KYNU: variants seen among roughly 807,000 people sequenced by gnomAD.
KYNU encodes the protein kynureninase.
Under a neutral mutation model 59.2 loss-of-function variants are expected in KYNU, and 54 were observed. The ratio of observed to expected loss-of-function variants is 0.91; its 90% CI spans 0.73 to 1.14. The LOEUF (loss-of-function observed/expected upper bound fraction) is 1.14, where lower values mean the gene tolerates loss of function less well. Among genes scored for constraint, KYNU ranks in the 50% most tolerant of loss-of-function variants. The pLI is 0.00. For missense variants in KYNU, 567 were observed against 554.4 expected (o/e 1.02, Z -0.23); for synonymous variants, 177 against 192.0 (o/e 0.92, Z 0.65).
At chr2:143,030,116 G>T (rs6758612) in intron 11 of KYNU, among the ~76,000 whole-genome samples, 5,625 of 152,260 alleles carry the variant, frequency 0.037, 298 homozygotes, top group African/African-American at 0.12. Flanking sequence ...CTTATCTAAT[G>T]TGAATAATAA....
chr2:143,038,445 C>T, intron 12 of KYNU, among the ~76,000 whole-genome samples: 1 of 152,134 alleles, frequency 6.6e-6, no homozygotes, highest in Non-Finnish European at 1.5e-5. Flanking sequence ...AGTCTACCTA[C>T]ATTTGCTTTG....
At chr2:143,030,036 C>T (rs1299407216) in intron 11 of KYNU, among the ~76,000 whole-genome samples, 1 of 152,174 alleles carries the variant, frequency 6.6e-6, no homozygotes, top group Non-Finnish European at 1.5e-5. Flanking sequence ...GTTAATCACA[C>T]TTTGCTGCTT....
chr2:142,976,043 C>T lies in KYNU; in HGVS notation c.730-9041C>T, dbSNP rs188785293. Among the ~76,000 whole-genome samples, 69 of 152,182 alleles carry T rather than the reference C, an allele frequency of 4.5e-4. No homozygotes were observed. In the East Asian group the frequency reaches 6.4e-3, roughly 14 times the overall value. Reference sequence around the variant, plus strand: ...TGGTAAAGGAATTTACCACGACAGTCATAGGTGAAGAAAGGCAGATTTATT... The same window carrying T: ...TGGTAAAGGAATTTACCACGACAGTTATAGGTGAAGAAAGGCAGATTTATT... On this transcript the variant is annotated intron_variant, in intron 8 of 13. Transcript: ENST00000264170.
At chr2:143,038,573 T>C (rs1251162189) in intron 12 of KYNU, among the ~76,000 whole-genome samples, 1 of 152,140 alleles carries the variant, frequency 6.6e-6, no homozygotes, top group African/African-American at 2.4e-5. Flanking sequence ...AGCCAAGATA[T>C]CAGCCTCTAC....
At chr2:142,983,605 T>C (rs1179653829) in intron 8 of KYNU, among the ~76,000 whole-genome samples, 1 of 152,076 alleles carries the variant, frequency 6.6e-6, no homozygotes, top group East Asian at 1.9e-4. Flanking sequence ...TAGGATACAC[T>C]TAAGCAGCAG....
At chr2:142,966,658 ATTACTT>A (rs1684550086) in intron 8 of KYNU, among the ~76,000 whole-genome samples, 1 of 152,140 alleles carries the variant, frequency 6.6e-6, no homozygotes, top group African/African-American at 2.4e-5. Context: ...AGGTCTCTAC[ATTACTT>A]TTCAGCATAG....
chr2:142,976,187 A>G (rs776445254), intron 8 of KYNU, among the ~76,000 whole-genome samples: 3 of 152,196 alleles, frequency 2.0e-5, no homozygotes, highest in African/African-American at 4.8e-5. Context: ...AGGGGGCCAC[A>G]TGCTGACCGA....
At chr2:142,878,510 C>T (rs1344785810) in intron 1 of KYNU, among the ~76,000 whole-genome samples, 1 of 152,090 alleles carries the variant, frequency 6.6e-6, no homozygotes, top group African/African-American at 2.4e-5. Flanking sequence ...GCTTTCTCAA[C>T]ATATTTTTAA....
intron 7 of KYNU, among the ~76,000 whole-genome samples, chr2:142,958,696 G>A (rs998134551): frequency 1.3e-5 from 2 of 152,164 alleles, no homozygotes; most frequent in African/African-American, 2.4e-5. Context: ...GACCAATATT[G>A]TGGAGTTTCA....
rs906782286 is a variant in KYNU at position 143,044,887 on chromosome 2, G to A, written c.*2715G>A. On this transcript the variant is annotated 3_prime_UTR_variant, in exon 14 of 14. Transcript: ENST00000264170. The stretch of plus-strand genomic sequence containing the variant: ...TGTTGCAATTGCTTTTGGTGTTTTA[G>A]TCTTAAATTCTTTGCCCATGCCTAT... 6.7e-6 allele frequency: 1 copy of A among 149,960 alleles called. No homozygotes were observed. Among genetic ancestry groups the A allele is most frequent in the African/African-American group, 2.4e-5 (1 of 40,960 alleles). 9.3% of individuals were successfully genotyped at this position (149,960 alleles called of 1,614,324 possible).
intron 2 of KYNU, among the ~76,000 whole-genome samples, chr2:142,903,064 C>A (rs1035473125): frequency 2.4e-4 from 37 of 152,142 alleles, no homozygotes; most frequent in African/African-American, 7.5e-4. Flanking sequence ...CACTGATAAT[C>A]CTGACATCTT....
chr2:142,985,505 C>T (rs1191784693), intron 9 of KYNU, among the ~76,000 whole-genome samples: 3 of 151,696 alleles, frequency 2.0e-5, no homozygotes, highest in Non-Finnish European at 4.4e-5. Flanking sequence ...TGTGAAATTT[C>T]TGCATATATA....
At chr2:142,902,236 A>G (rs892846958) in intron 2 of KYNU, among the ~76,000 whole-genome samples, 2 of 152,234 alleles carry the variant, frequency 1.3e-5, no homozygotes, top group African/African-American at 4.8e-5. Context: ...TTACTTAGGT[A>G]TGCCATGGTT....
intron 4 of KYNU, chr2:142,947,492 T>C (rs1300337071): frequency 1.8e-5 from 5 of 284,032 alleles, no homozygotes; most frequent in Non-Finnish European, 3.3e-5. Flanking sequence ...GTCCATGACA[T>C]TGCCTTTCTT....
At chr2:142,998,432 T>G (rs1046394117) in intron 10 of KYNU, among the ~76,000 whole-genome samples, 3 of 152,206 alleles carry the variant, frequency 2.0e-5, no homozygotes. Flanking sequence ...TTAAAATGAA[T>G]TTAACTTCCT....
At chr2:143,017,434 CTTTTTTT>C (rs1184177776) in intron 10 of KYNU, among the ~76,000 whole-genome samples, 6 of 68,448 alleles carry the variant, frequency 8.8e-5, no homozygotes, top group Admixed American at 4.5e-4. Flanking sequence ...TCTCTTTTTT[CTTTTTTT>C]TTTTTTTTTT....
At chr2:142,934,188 C>G (rs901428940) in intron 4 of KYNU, among the ~76,000 whole-genome samples, 1 of 151,938 alleles carries the variant, frequency 6.6e-6, no homozygotes, top group African/African-American at 2.4e-5. Flanking sequence ...TAGGCCTATG[C>G]GAGTTGCTTG....
intron 4 of KYNU, among the ~76,000 whole-genome samples, chr2:142,951,266 A>G (rs1449782918): frequency 2.6e-5 from 4 of 152,214 alleles, no homozygotes; most frequent in Non-Finnish European, 5.9e-5. Flanking sequence ...AAACAAACAA[A>G]CAAAAGGCCA....
chr2:142,997,861 A>G (rs1006398862), intron 10 of KYNU, among the ~76,000 whole-genome samples: 2 of 152,172 alleles, frequency 1.3e-5, no homozygotes, highest in Admixed American at 6.5e-5. Context: ...TGAAGAGATC[A>G]AGGAGAGTTT....
Sources: allele counts gnomAD v4.1 joint callset (sites outside exome capture counted in the v4.1 genomes callset), GRCh38; gene constraint gnomAD v4.1.1; transcripts MANE v1.5; gene names NCBI Gene and HGNC (gene_info 2026-07-23, HGNC 2026-07-21).